ENPP1: variants seen among roughly 807,000 people sequenced by gnomAD.
The protein encoded by ENPP1 is ectonucleotide pyrophosphatase/phosphodiesterase 1.
ENPP1 carries 73 observed loss-of-function variants against 122.8 expected under a neutral mutation model. That is an observed-to-expected ratio of 0.59 (90% confidence interval 0.49 to 0.72). ENPP1 has a LOEUF of 0.72. Ranked by LOEUF, ENPP1 falls within the 30% of genes least tolerant of loss-of-function variation. The pLI, the probability that ENPP1 is intolerant of heterozygous loss-of-function variation, is 0.00. For missense variants in ENPP1, 978 were observed against 1,128.1 expected, an observed-to-expected ratio of 0.87 and a Z score of 1.91; for synonymous variants, 367 against 391.6, an observed-to-expected ratio of 0.94 and a Z score of 0.74.
rs372346758 is a variant in ENPP1, at chr6:131,846,572, T to G, written c.241-1204T>G. Among the ~76,000 whole-genome samples the G allele has an allele frequency of 9.8e-4, 149 of 152,284 alleles. 7 individuals carry two copies. In the South Asian group the frequency reaches 0.03, roughly 31 times the overall value. ...TCCCTAACCACCCCAACCTTTCTCCTTCTTTAAACAACTGTAGAACTTTGC... is the reference window on the plus strand; with the variant it reads ...TCCCTAACCACCCCAACCTTTCTCCGTCTTTAAACAACTGTAGAACTTTGC... On this transcript the variant is annotated intron_variant, in intron 1 of 24. Transcript: ENST00000647893.
At chr6:131,809,314 TCTCCTTTCA>T (rs1781320025) in intron 1 of ENPP1, among the ~76,000 whole-genome samples, 1 of 152,198 alleles carries the variant, frequency 6.6e-6, no homozygotes, top group East Asian at 1.9e-4. Context: ...ATTTTTCAAG[TCTCCTTTCA>T]TTTTGTATGC....
intron 12 of ENPP1, 58 bp from the exon 13 acceptor site, chr6:131,869,300 G>A (rs949259258): frequency 6.4e-7 from 1 of 1,559,250 alleles, no homozygotes; most frequent in Non-Finnish European, 8.8e-7. Context: ...GTTCTGCTCT[G>A]CATATTAAAT....
Position 131,873,015 on chromosome 6 carries a change from G to C in ENPP1, c.1530G>C (p.Leu510Phe), listed in dbSNP as rs1238363961. The C allele has an allele frequency of 1.2e-6, 2 of 1,613,716 alleles. No homozygotes were observed. Among genetic ancestry groups the C allele is most frequent in the Non-Finnish European group, 1.7e-6 (2 of 1,179,708 alleles). The change falls in exon 15 of 25, where the codon TTG becomes TTC. Residue 510 changes from leucine (L) to phenylalanine (F), a missense_variant. Coordinates refer to ENST00000647893, the MANE Select transcript of ENPP1 (RefSeq NM_006208.3). ...HFAKSDRIEPLTFYLDPQWQL... is the reference protein window; with the variant it reads ...HFAKSDRIEPFTFYLDPQWQL... ...CTAAGAGTGATAGAATTGAGCCCTT[G>C]ACATTCTATTTGGACCCTCAGTGGC... is the stretch of plus-strand genomic sequence containing the variant.
chr6:131,833,671 A>G (rs1475897947), intron 1 of ENPP1, among the ~76,000 whole-genome samples: 3 of 152,168 alleles, frequency 2.0e-5, no homozygotes, highest in African/African-American at 7.2e-5. Context: ...TGTTATCAGG[A>G]AAGAGAGAGA....
At chr6:131,826,400 G>T (rs1781546588) in intron 1 of ENPP1, 2 of 934,122 alleles carry the variant, frequency 2.1e-6, no homozygotes, top group Admixed American at 1.9e-5. Context: ...ATATTAATAG[G>T]ACCCCAAAAG....
chr6:131,887,813 C>T (rs1782404698), intron 24 of ENPP1, among the ~76,000 whole-genome samples: 1 of 149,228 alleles, frequency 6.7e-6, no homozygotes, highest in South Asian at 2.1e-4. Context: ...GATCCACCCG[C>T]CTTGTCCTTC....
At chr6:131,829,787 G>A (rs1349829058) in intron 1 of ENPP1, among the ~76,000 whole-genome samples, 3 of 152,228 alleles carry the variant, frequency 2.0e-5, no homozygotes, top group Non-Finnish European at 4.4e-5. Context: ...GAGCTTGGGA[G>A]CTAGGGCTTC....
At chr6:131,849,724 G>T (rs866930668) in intron 2 of ENPP1, among the ~76,000 whole-genome samples, 1 of 152,192 alleles carries the variant, frequency 6.6e-6, no homozygotes, top group African/African-American at 2.4e-5. Context: ...ACCCAGTAAC[G>T]TTTGTAATAA....
At chr6:131,820,718 A>T (rs1028374070) in intron 1 of ENPP1, 3 of 152,238 alleles carry the variant, frequency 2.0e-5, no homozygotes, top group Admixed American at 6.5e-5. Flanking sequence ...TTAGAGATGA[A>T]AAAATCATGG....
intron 1 of ENPP1, among the ~76,000 whole-genome samples, chr6:131,813,825 G>A (rs1270005401): frequency 6.6e-6 from 1 of 152,196 alleles, no homozygotes; most frequent in Non-Finnish European, 1.5e-5. Context: ...TTGGCAGAGA[G>A]TGGGTCCACT....
intron 1 of ENPP1, chr6:131,826,614 G>T: frequency 1.0e-6 from 1 of 977,144 alleles, no homozygotes; most frequent in South Asian, 1.3e-5. Context: ...GGTCACAGCT[G>T]ATCAGTTCTA....
chr6:131,827,506 A>G (rs1316589350), intron 1 of ENPP1: 2 of 631,276 alleles, frequency 3.2e-6, no homozygotes, highest in Non-Finnish European at 5.8e-6. Context: ...GCGAAGGAAT[A>G]GACACACTGG....
intron 2 of ENPP1, among the ~76,000 whole-genome samples, chr6:131,848,420 C>A (rs532811277): frequency 5.9e-5 from 9 of 152,096 alleles, no homozygotes; most frequent in Non-Finnish European, 1.5e-5. Context: ...GTTCCCCCCC[C>A]ATCCTCTCGC....
At chr6:131,881,094 G>A (rs370222491) in intron 20 of ENPP1, among the ~76,000 whole-genome samples, 14 of 152,222 alleles carry the variant, frequency 9.2e-5, no homozygotes, top group African/African-American at 3.4e-4. Context: ...CTAAGGGAAC[G>A]ACAAAGGGAT....
At chr6:131,823,886 T>A (rs1016840048) in intron 1 of ENPP1, among the ~76,000 whole-genome samples, 36 of 151,566 alleles carry the variant, frequency 2.4e-4, no homozygotes, top group Non-Finnish European at 5.0e-4. Context: ...ATGGGGATAA[T>A]AGTAGTAGTA....
Position 131,852,241 on chromosome 6 carries a change from AT to A in ENPP1, c.617+8del. ...GAGCCACAGTGCCCAGCAGGGTAAG[AT>A]TATATTCTGAGGTATTAATTTTTTC... is the stretch of plus-strand genomic sequence containing the variant. On this transcript the variant is annotated splice_region_variant and intron_variant, in intron 5 of 24. Transcript: ENST00000647893. 1 of 1,585,794 alleles carries A rather than the reference AT, an allele frequency of 6.3e-7. No individual in the cohort carries two copies. Among genetic ancestry groups the A allele is most frequent in the Non-Finnish European group, 8.6e-7 (1 of 1,160,226 alleles).
chr6:131,877,866 A>AAAAAATATATATATATAT (rs1562183349), intron 18 of ENPP1: 1 of 53,022 alleles, frequency 1.9e-5, no homozygotes, highest in African/African-American at 9.3e-5. Context: ...AAAAAAAAAA[A>AAAAAATATATATATATAT]ATATATATAT....
At chr6:131,843,983 G>T (rs958276453) in intron 1 of ENPP1, among the ~76,000 whole-genome samples, 1 of 151,838 alleles carries the variant, frequency 6.6e-6, no homozygotes, top group African/African-American at 2.4e-5. Flanking sequence ...TGGTGTTTTT[G>T]TGTGTGTGTG....
chr6:131,812,656 C>G (rs987086004), intron 1 of ENPP1, among the ~76,000 whole-genome samples: 2 of 152,180 alleles, frequency 1.3e-5, no homozygotes, highest in African/African-American at 2.4e-5. Context: ...CTCGGGGAAA[C>G]ACTTTCTCAA....
Sources: allele counts gnomAD v4.1 joint callset (sites outside exome capture counted in the v4.1 genomes callset), GRCh38; gene constraint gnomAD v4.1.1; transcripts MANE v1.5; gene names NCBI Gene and HGNC (gene_info 2026-07-23, HGNC 2026-07-21).